Variants in SEPTIN9 observed in about 807,000 individuals in gnomAD.
SEPTIN9 encodes septin-9.
A neutral mutation model predicts 56.6 loss-of-function variants in SEPTIN9; 13 were observed. The ratio of observed to expected loss-of-function variants is 0.23; its 90% CI spans 0.15 to 0.37. SEPTIN9 has a LOEUF of 0.37. Ranked by LOEUF, SEPTIN9 falls within the 10% of genes least tolerant of loss-of-function variation. The probability of loss-of-function intolerance (pLI) is 1.00; values close to 1 mark genes in which losing one functional copy is unlikely to be tolerated. For missense variants in SEPTIN9, 650 were observed against 823.1 expected (o/e 0.79, Z 2.57); for synonymous variants, 332 against 334.1 (o/e 0.99, Z 0.07).
At chr17:77,368,194 G>A (rs139802445) in intron 2 of SEPTIN9, among the ~76,000 whole-genome samples, 63 of 152,368 alleles carry the variant, frequency 4.1e-4, no homozygotes, top group Middle Eastern at 3.4e-3. Flanking sequence ...CAGAGTTTCA[G>A]TTTGGGAAGT....
chr17:77,482,069 G>C, intron 3 of SEPTIN9, 75 bp from the exon 4 acceptor site: 3 of 1,396,862 alleles, frequency 2.1e-6, no homozygotes, highest in Non-Finnish European at 2.9e-6. Context: ...CCAAGGATGG[G>C]TGTGACAACC....
intron 2 of SEPTIN9, among the ~76,000 whole-genome samples, chr17:77,334,346 T>C (rs1219300521): frequency 2.1e-5 from 3 of 144,772 alleles, no homozygotes; most frequent in Non-Finnish European, 4.5e-5. Context: ...GGTGTGAACC[T>C]GGGAGGCGGA....
chr17:77,340,598 T>TA (rs1366204767), intron 2 of SEPTIN9, among the ~76,000 whole-genome samples: 2 of 152,340 alleles, frequency 1.3e-5, no homozygotes, highest in East Asian at 1.9e-4. Flanking sequence ...GGCTTTAACT[T>TA]ACGGTCAACA....
chr17:77,421,986 C>T lies in SEPTIN9; in HGVS notation c.721+19283C>T, dbSNP rs199698299. Among the ~76,000 whole-genome samples, 31 of 152,136 alleles carry T rather than the reference C, an allele frequency of 2.0e-4. 1 individual carries two copies. The East Asian group carries it at 6.0e-3, about 29-fold the overall frequency. On this transcript the variant is annotated intron_variant, in intron 3 of 11. Transcript: ENST00000427177. The surrounding 1 kb of genome is among the most constrained non-coding windows in gnomAD (Gnocchi z 4.6). ...ATCTCAGCCTACCAAGTAGCTGGGA[C>T]TACAGGTGTGTGCCACCATGCCTGG...
rs923993686 is a variant in SEPTIN9 at position 77,320,000 on chromosome 17, C to T, written c.76+12803C>T. 11 of 1,264,908 alleles carry T rather than the reference C, an allele frequency of 8.7e-6. No homozygotes were observed. Among genetic ancestry groups the T allele is most frequent in the Admixed American group, 7.4e-5 (2 of 26,884 alleles). The allele number at this position is 1,264,908 out of a possible 1,614,324, so 78.4% of individuals were successfully genotyped here. ...CTCGCAGGCAGACCCGGTGGTCTGCCGGACTCCTCGGGGCCCACTTCGGGC... is the reference window on the plus strand; with the variant it reads ...CTCGCAGGCAGACCCGGTGGTCTGCTGGACTCCTCGGGGCCCACTTCGGGC... On this transcript the variant is annotated intron_variant, in intron 2 of 11. Transcript: ENST00000427177. The surrounding 1 kb of genome is among the most constrained non-coding windows in gnomAD (Gnocchi z 5.3).
chr17:77,297,773 A>G (rs1042348768), intron 1 of SEPTIN9, among the ~76,000 whole-genome samples: 20 of 152,254 alleles, frequency 1.3e-4, no homozygotes, highest in African/African-American at 4.8e-4. Context: ...AAACAGAATC[A>G]ATGAATTCAT....
chr17:77,345,373 G>T (rs930623510), intron 2 of SEPTIN9, among the ~76,000 whole-genome samples: 2 of 152,210 alleles, frequency 1.3e-5, no homozygotes, highest in Admixed American at 6.5e-5. Context: ...TACCACTGGG[G>T]TTGATGGAAA....
intron 3 of SEPTIN9, among the ~76,000 whole-genome samples, chr17:77,480,386 C>T (rs1009594902): frequency 1.3e-5 from 2 of 152,196 alleles, no homozygotes; most frequent in African/African-American, 4.8e-5. Flanking sequence ...TGAAATAGGC[C>T]GAGAGGGATG....
At position 77,367,773 on chromosome 17, in the gene SEPTIN9, G is replaced by A. The variant is rs1039574773; in HGVS notation, c.77-34286G>A. On this transcript the variant is annotated intron_variant, in intron 2 of 11. Coordinates refer to ENST00000427177, the MANE Select transcript of SEPTIN9 (RefSeq NM_001113491.2). This position sits in a 1 kb window ranked among gnomAD's most constrained non-coding sequence, Gnocchi z 4.5. ...GGAGGTTGCAGTGAGCCGAGATCAC[G>A]CCACTACACTACAGCCCGGGCGACA... Among the ~76,000 whole-genome samples the A allele has an allele frequency of 4.6e-5, 7 of 152,098 alleles. No individual in the cohort carries two copies. The highest frequency in any genetic ancestry group is 4.6e-4 in the Admixed American group (7 of 15,268).
chr17:77,393,205 G>A (rs942638634), intron 2 of SEPTIN9, among the ~76,000 whole-genome samples: 5 of 152,202 alleles, frequency 3.3e-5, no homozygotes, highest in Non-Finnish European at 7.4e-5. Context: ...GTGACCACAG[G>A]TGGCTGCCCA....
rs1167804387 is a variant in SEPTIN9 at position 77,323,176 on chromosome 17, C to G, written c.76+15979C>G. On this transcript the variant is annotated intron_variant, in intron 2 of 11. Transcript: ENST00000427177. This position sits in a 1 kb window ranked among gnomAD's most constrained non-coding sequence, Gnocchi z 6.8. ...TGTGAACGGGGGCCTGGGTACTCTC[C>G]CGCCCTCCCTGGGGGCTGTGGCCTT... 6.6e-6 allele frequency among the ~76,000 whole-genome samples: 1 copy of G among 152,088 alleles called. No homozygotes were observed. The highest frequency in any genetic ancestry group is 2.4e-5 in the African/African-American group (1 of 41,400).
At position 77,445,157 on chromosome 17, in the gene SEPTIN9, A is replaced by C; in HGVS notation, c.722-36987A>C. ...AGCCTGCCAACCCAAGGGTGGCAGG[A>C]GCTGTGGGTGCTCCCAGCCCCTTCT... is the stretch of plus-strand genomic sequence containing the variant. On this transcript the variant is annotated intron_variant, in intron 3 of 11. Coordinates refer to ENST00000427177, the MANE Select transcript of SEPTIN9 (RefSeq NM_001113491.2). This position sits in a 1 kb window ranked among gnomAD's most constrained non-coding sequence, Gnocchi z 4.7. 1 of 470,672 alleles carries C rather than the reference A, an allele frequency of 2.1e-6. No individual in the cohort carries two copies. The highest frequency in any genetic ancestry group is 4.4e-6 in the Non-Finnish European group (1 of 226,778). The allele number at this position is 470,672 out of a possible 1,614,324, so 29.2% of individuals were successfully genotyped here. A position where few individuals can be genotyped will look rare whatever the true frequency, so the allele number is the denominator to read the frequency against.
intron 3 of SEPTIN9, among the ~76,000 whole-genome samples, chr17:77,409,278 TG>T (rs1568045976): frequency 7.9e-6 from 1 of 125,872 alleles, no homozygotes; most frequent in African/African-American, 3.2e-5. Context: ...CCGCATGTGC[TG>T]GGGGAACAGG....
chr17:77,309,742 A>T lies in SEPTIN9; in HGVS notation c.76+2545A>T, dbSNP rs530102699. 7.8e-4 allele frequency among the ~76,000 whole-genome samples: 118 copies of T among 150,602 alleles called. No homozygotes were observed. The South Asian group carries it at 0.023, about 29-fold the overall frequency. On this transcript the variant is annotated intron_variant, in intron 2 of 11. Transcript: ENST00000427177. ...CAGCTCACACACTTTCTTTCCTTTT[A>T]AAAAAAAAATGGAATTCTTAGAGCT... is the stretch of plus-strand genomic sequence containing the variant.
In SEPTIN9 at chr17:77,436,353, C is replaced by G. The variant is rs1321066738; in HGVS notation, c.721+33650C>G. Reference sequence around the variant, plus strand: ...CACCGACTTCTGCAGCCCAGCTGTTCAGAGCGGATCCAGAAGGTGGAGAGA... The same window carrying G: ...CACCGACTTCTGCAGCCCAGCTGTTGAGAGCGGATCCAGAAGGTGGAGAGA... On this transcript the variant is annotated intron_variant, in intron 3 of 11. Coordinates refer to ENST00000427177, the MANE Select transcript of SEPTIN9 (RefSeq NM_001113491.2). This position sits in a 1 kb window ranked among gnomAD's most constrained non-coding sequence, Gnocchi z 4.4. 6.6e-6 allele frequency among the ~76,000 whole-genome samples: 1 copy of G among 152,206 alleles called. No homozygotes were observed. Among genetic ancestry groups the G allele is most frequent in the East Asian group, 1.9e-4 (1 of 5,190 alleles).
Position 77,433,808 on chromosome 17 carries a change from C to T in SEPTIN9, c.721+31105C>T, listed in dbSNP as rs1389010845. The stretch of plus-strand genomic sequence containing the variant: ...CCCCTCCTGGGTATCCCCTGCGCCC[C>T]CCGCCCCAGGCACTTGATGTTGCCT... On this transcript the variant is annotated intron_variant, in intron 3 of 11. Coordinates refer to ENST00000427177, the MANE Select transcript of SEPTIN9 (RefSeq NM_001113491.2). The surrounding 1 kb of genome is among the most constrained non-coding windows in gnomAD (Gnocchi z 6.4). 6.6e-6 allele frequency among the ~76,000 whole-genome samples: 1 copy of T among 152,110 alleles called. No homozygotes were observed. Among genetic ancestry groups the T allele is most frequent in the Non-Finnish European group, 1.5e-5 (1 of 68,006 alleles).
chr17:77,354,583 G>T (rs1400876126), intron 2 of SEPTIN9, among the ~76,000 whole-genome samples: 2 of 152,166 alleles, frequency 1.3e-5, no homozygotes, highest in Non-Finnish European at 2.9e-5. Flanking sequence ...CCTCCTGCCT[G>T]CATGCGGCCG....
In SEPTIN9 at chr17:77,385,549, A is replaced by G. The variant is rs368424041; in HGVS notation, c.77-16510A>G. 5.9e-5 allele frequency among the ~76,000 whole-genome samples: 9 copies of G among 152,188 alleles called. No homozygotes were observed. The South Asian group carries it at 6.2e-4, about 11-fold the overall frequency. On this transcript the variant is annotated intron_variant, in intron 2 of 11. Coordinates refer to ENST00000427177, the MANE Select transcript of SEPTIN9 (RefSeq NM_001113491.2). ...AGACCCCCTCTTAAAACAAGAATAA[A>G]AATAAAAATAAATAAAAGTTTACTG...
intron 2 of SEPTIN9, among the ~76,000 whole-genome samples, chr17:77,349,572 A>C (rs2033993941): frequency 6.6e-6 from 1 of 152,174 alleles, no homozygotes; most frequent in African/African-American, 2.4e-5. Context: ...TGTAGACCAC[A>C]TGTTGTTTTT....
Sources: gnomAD v4.1 joint callset for allele counts (sites outside exome capture counted in the v4.1 genomes callset) on GRCh38, gnomAD v4.1.1 for gene constraint, Gnocchi (gnomAD v3.1) non-coding constraint, MANE v1.5 for transcripts, NCBI Gene and HGNC (gene_info 2026-07-23, HGNC 2026-07-21) for gene names.